TNFAIP8: variants seen among roughly 807,000 people sequenced by gnomAD.
The protein encoded by TNFAIP8 is tumor necrosis factor alpha-induced protein 8.
In TNFAIP8, 7 loss-of-function variants were observed where a neutral mutation model predicts 13.3. That is an observed-to-expected ratio of 0.52 (90% CI 0.30 to 0.99). The LOEUF (loss-of-function observed/expected upper bound fraction) is 0.99. TNFAIP8 is among the 50% of genes least tolerant of loss of function. The pLI, the probability that TNFAIP8 is intolerant of heterozygous loss-of-function variation, is 0.07. For synonymous variants in TNFAIP8, 94 were observed against 87.6 expected, an observed-to-expected ratio of 1.07 and a Z score of -0.41; for missense variants, 258 against 236.9, an observed-to-expected ratio of 1.09 and a Z score of -0.58.
chr5:119,328,005 G>C (rs1376926530), intron 1 of TNFAIP8, among the ~76,000 whole-genome samples: 1 of 152,042 alleles, frequency 6.6e-6, no homozygotes, highest in Non-Finnish European at 1.5e-5. Flanking sequence ...AGTGAAGTAA[G>C]ATGAAAGAAA....
chr5:119,317,176 C>G (rs1749924982), intron 1 of TNFAIP8, among the ~76,000 whole-genome samples: 1 of 152,178 alleles, frequency 6.6e-6, no homozygotes, highest in African/African-American at 2.4e-5. Flanking sequence ...GGCTGGTGCA[C>G]CTCCTGGTTC....
intron 1 of TNFAIP8, among the ~76,000 whole-genome samples, chr5:119,304,876 C>T (rs1276474775): frequency 6.6e-6 from 1 of 152,186 alleles, no homozygotes. Context: ...TTTGAAGCTG[C>T]ATTGTACCAG....
intron 1 of TNFAIP8, among the ~76,000 whole-genome samples, chr5:119,278,713 T>G (rs1325957051): frequency 6.6e-6 from 1 of 152,110 alleles, no homozygotes; most frequent in East Asian, 1.9e-4. Context: ...CCATCAGTAT[T>G]CCTGATACTA....
At chr5:119,290,040 G>A (rs977740090) in intron 1 of TNFAIP8, among the ~76,000 whole-genome samples, 1 of 152,186 alleles carries the variant, frequency 6.6e-6, no homozygotes, top group African/African-American at 2.4e-5. Flanking sequence ...ACTAAAGCAT[G>A]CAGAGTTGAA....
At chr5:119,381,320 T>C (rs1246325136) in intron 1 of TNFAIP8, among the ~76,000 whole-genome samples, 1 of 152,154 alleles carries the variant, frequency 6.6e-6, no homozygotes, top group Non-Finnish European at 1.5e-5. Flanking sequence ...GATGGCAGAT[T>C]GTGTGAGCTC....
At chr5:119,375,604 T>TA (rs1322554886) in intron 1 of TNFAIP8, among the ~76,000 whole-genome samples, 1 of 152,222 alleles carries the variant, frequency 6.6e-6, no homozygotes, top group Non-Finnish European at 1.5e-5. Context: ...ATGATCTTTT[T>TA]AGTTATTTTC....
intron 1 of TNFAIP8, among the ~76,000 whole-genome samples, chr5:119,387,301 A>T (rs1268536952): frequency 6.6e-6 from 1 of 152,172 alleles, no homozygotes. Context: ...TTATATATTT[A>T]TTTAAAGAAC....
chr5:119,332,836 A>G (rs1025598708), intron 1 of TNFAIP8, among the ~76,000 whole-genome samples: 1 of 152,214 alleles, frequency 6.6e-6, no homozygotes, highest in African/African-American at 2.4e-5. Flanking sequence ...ATGTATGTGT[A>G]TGTGTACATG....
rs190036515 is a variant in TNFAIP8, at chr5:119,388,245, G to A, written c.32-4571G>A. Reference sequence around the variant, plus strand: ...AAAGAACTGGTTGATGACAGTAAGAGAAATCATACTCTGGAGCGCACTTAG... The same window carrying A: ...AAAGAACTGGTTGATGACAGTAAGAAAAATCATACTCTGGAGCGCACTTAG... On this transcript the variant is annotated intron_variant, in intron 1 of 1. Coordinates refer to ENST00000504771, the MANE Select transcript of TNFAIP8 (RefSeq NM_014350.4). Among the ~76,000 whole-genome samples the A allele has an allele frequency of 6.6e-5, 10 of 152,288 alleles. No homozygotes were observed. The East Asian group carries it at 1.7e-3, about 26-fold the overall frequency.
chr5:119,281,306 A>ACACACACACACACTCT lies in TNFAIP8; in HGVS notation c.1+12400_1+12401insACACACACACACTCTC. Among the ~76,000 whole-genome samples the ACACACACACACACTCT allele has an allele frequency of 2.2e-4, 25 of 114,218 alleles. 1 individual carries two copies. The highest frequency in any genetic ancestry group is 5.5e-4 in the African/African-American group (18 of 32,860). 74.9% of individuals were successfully genotyped at this position (114,218 alleles called of 152,430 possible). A position where few individuals can be genotyped will look rare whatever the true frequency, so the allele number is the denominator to read the frequency against. ...CACACATACACACACACACACACACACTCTCTCTCTCTCACACTTACATGC... is the reference window on the plus strand; with the variant it reads ...CACACATACACACACACACACACACACACACACACACACTCTCTCTCTCTCTCTCACACTTACATGC... On this transcript the variant is annotated intron_variant, in intron 1 of 1. Transcript: ENST00000274456.
At chr5:119,291,737 A>G (rs1014161526) in intron 1 of TNFAIP8, among the ~76,000 whole-genome samples, 1 of 152,230 alleles carries the variant, frequency 6.6e-6, no homozygotes, top group Non-Finnish European at 1.5e-5. Context: ...ATAGTCATTC[A>G]TTGTCCTTGT....
chr5:119,277,747 A>G (rs1748502338), intron 1 of TNFAIP8, among the ~76,000 whole-genome samples: 1 of 152,206 alleles, frequency 6.6e-6, no homozygotes, highest in Non-Finnish European at 1.5e-5. Flanking sequence ...TTTATTTTCC[A>G]CAGTTCTGGG....
At chr5:119,367,288 T>C (rs1751893984) in intron 1 of TNFAIP8, among the ~76,000 whole-genome samples, 1 of 144,224 alleles carries the variant, frequency 6.9e-6, no homozygotes, top group Non-Finnish European at 1.5e-5. Context: ...AAGAAAGGAA[T>C]AATTTGATTT....
chr5:119,391,040 A>G (rs1230442690), intron 1 of TNFAIP8, among the ~76,000 whole-genome samples: 1 of 144,082 alleles, frequency 6.9e-6, no homozygotes, highest in Non-Finnish European at 1.5e-5. Flanking sequence ...TATGTTGCCC[A>G]GGCTGGTGTC....
At position 119,280,756 on chromosome 5, in the gene TNFAIP8, TA is replaced by T. The variant is rs148981334; in HGVS notation, c.1+11850del. On this transcript the variant is annotated intron_variant, in intron 1 of 1. Coordinates refer to the TNFAIP8 transcript ENST00000274456. ...TTTTATTTATTAGCTGGAATAATTT[TA>T]TAAGGATAGACGCCTTTTCAATCTG... is the stretch of plus-strand genomic sequence containing the variant. Among the ~76,000 whole-genome samples the T allele has an allele frequency of 6.2e-3, 945 of 152,346 alleles. 11 individuals are homozygous for T. Among genetic ancestry groups the T allele is most frequent in the East Asian group, 0.061 (314 of 5,182 alleles).
At chr5:119,313,076 A>T (rs1749783159) in intron 1 of TNFAIP8, among the ~76,000 whole-genome samples, 1 of 152,230 alleles carries the variant, frequency 6.6e-6, no homozygotes, top group African/African-American at 2.4e-5. Context: ...GAAGATGGGG[A>T]AGAATTACAC....
chr5:119,277,136 C>G lies in TNFAIP8; in HGVS notation c.1+8229C>G, dbSNP rs9686306. Among the ~76,000 whole-genome samples the G allele has an allele frequency of 6.6e-3, 1,010 of 152,242 alleles. 11 individuals are homozygous for G. Among genetic ancestry groups the G allele is most frequent in the African/African-American group, 0.023 (944 of 41,538 alleles). ...CAAAATATCTTGTATACTGCACTCA[C>G]CTGTTTTCAGACTGCATGGTCTGTG... On this transcript the variant is annotated intron_variant, in intron 1 of 1. Transcript: ENST00000274456.
At chr5:119,389,569 A>G (rs927593297) in intron 1 of TNFAIP8, among the ~76,000 whole-genome samples, 1 of 152,202 alleles carries the variant, frequency 6.6e-6, no homozygotes, top group South Asian at 2.1e-4. Context: ...AACAAACTTC[A>G]TGAGCACAGA....
intron 1 of TNFAIP8, among the ~76,000 whole-genome samples, chr5:119,341,763 A>G (rs1037611165): frequency 6.6e-6 from 1 of 152,172 alleles, no homozygotes; most frequent in Admixed American, 6.5e-5. Context: ...AGAGATGGAA[A>G]TCTCAATCAA....
Sources: gnomAD v4.1 joint callset for allele counts (sites outside exome capture counted in the v4.1 genomes callset) on GRCh38, gnomAD v4.1.1 for gene constraint, MANE v1.5 for transcripts, NCBI Gene and HGNC (gene_info 2026-07-23, HGNC 2026-07-21) for gene names.